ZNF385D: variants seen among roughly 807,000 people sequenced by gnomAD.
ZNF385D encodes zinc finger protein 659.
ZNF385D carries 15 observed loss-of-function variants against 35.8 expected under a neutral mutation model. That is an observed-to-expected ratio of 0.42 (90% confidence interval 0.28 to 0.64). The LOEUF is 0.64. ZNF385D is among the 30% of genes least tolerant of loss of function. The pLI is 0.23. For synonymous variants in ZNF385D, 212 were observed against 186.8 expected, an observed-to-expected ratio of 1.13 and a Z score of -1.10; for missense variants, 474 against 494.6, an observed-to-expected ratio of 0.96 and a Z score of 0.39.
intron 3 of ZNF385D, among the ~76,000 whole-genome samples, chr3:21,998,287 G>A (rs1369622803): frequency 6.6e-6 from 1 of 152,156 alleles, no homozygotes; most frequent in African/African-American, 2.4e-5. Context: ...CTATGGACTA[G>A]CCATTTTGCT....
At position 21,792,185 on chromosome 3, in the gene ZNF385D, G is replaced by T. The variant is rs1239782325; in HGVS notation, c.326-127157C>A. On this transcript the variant is annotated intron_variant, in intron 3 of 5. Coordinates refer to the ZNF385D transcript ENST00000494108. ...GGGCATAATTTCCATATCTATAAAT[G>T]AAGTGATGGGGCAGATACATTCTGA... 3.3e-5 allele frequency among the ~76,000 whole-genome samples: 5 copies of T among 152,172 alleles called. No individual in the cohort carries two copies. The South Asian group carries it at 6.2e-4, about 19-fold the overall frequency.
chr3:21,981,449 T>C (rs763204741), intron 3 of ZNF385D, among the ~76,000 whole-genome samples: 40 of 152,326 alleles, frequency 2.6e-4, no homozygotes, highest in African/African-American at 7.7e-4. Flanking sequence ...AAGTTCCTTA[T>C]AGATGCTGGA....
intron 3 of ZNF385D, among the ~76,000 whole-genome samples, chr3:21,982,505 G>C (rs113755047): frequency 6.6e-6 from 1 of 152,088 alleles, no homozygotes; most frequent in East Asian, 1.9e-4. Flanking sequence ...AGGTTTTCTA[G>C]ATATATAATC....
chr3:22,326,107 A>G (rs575600986), intron 2 of ZNF385D, among the ~76,000 whole-genome samples: 1 of 152,212 alleles, frequency 6.6e-6, no homozygotes, highest in Non-Finnish European at 1.5e-5. Flanking sequence ...AAGTTCCTAA[A>G]GCATGCAGTT....
intron 3 of ZNF385D, among the ~76,000 whole-genome samples, chr3:21,872,045 G>T (rs989965785): frequency 1.6e-4 from 24 of 151,942 alleles, no homozygotes; most frequent in Admixed American, 4.6e-4. Context: ...TTTAAAAAAA[G>T]ATTTTCTTGT....
At chr3:22,170,660 A>G (rs2125760684) in intron 2 of ZNF385D, among the ~76,000 whole-genome samples, 1 of 152,336 alleles carries the variant, frequency 6.6e-6, no homozygotes, top group Admixed American at 6.5e-5. Flanking sequence ...TAGACTTTGT[A>G]AAATGATTAA....
chr3:21,499,315 T>A (rs1159939744), intron 4 of ZNF385D, among the ~76,000 whole-genome samples: 1 of 152,050 alleles, frequency 6.6e-6, no homozygotes, highest in African/African-American at 2.4e-5. Context: ...AAGAACAAGA[T>A]CATGTCTTTG....
intron 2 of ZNF385D, among the ~76,000 whole-genome samples, chr3:22,322,468 T>C (rs1694486566): frequency 6.6e-6 from 1 of 152,200 alleles, no homozygotes; most frequent in Non-Finnish European, 1.5e-5. Context: ...TGACTTTTTT[T>C]AGGTAACTTG....
At chr3:21,695,969 A>G (rs79764153) in intron 1 of ZNF385D, among the ~76,000 whole-genome samples, 1,766 of 152,250 alleles carry the variant, frequency 0.012, 28 homozygotes, top group African/African-American at 0.039. Context: ...AGCAACTCCC[A>G]TATATGAATT....
intron 3 of ZNF385D, among the ~76,000 whole-genome samples, chr3:21,943,036 T>C (rs1456952022): frequency 6.6e-6 from 1 of 152,094 alleles, no homozygotes; most frequent in African/African-American, 2.4e-5. Flanking sequence ...ACATAAGAAC[T>C]CATACTTCTA....
At chr3:22,199,618 G>A (rs4528971) in intron 2 of ZNF385D, among the ~76,000 whole-genome samples, 22,196 of 152,062 alleles carry the variant, frequency 0.15, 1,741 homozygotes, top group Middle Eastern at 0.24. Flanking sequence ...ACTACTGGAG[G>A]AGAACTGTGC....
At chr3:21,689,338 C>T (rs923704893) in intron 1 of ZNF385D, among the ~76,000 whole-genome samples, 3 of 151,974 alleles carry the variant, frequency 2.0e-5, no homozygotes, top group South Asian at 2.1e-4. Context: ...TGCTCTGTTG[C>T]GGGGCAGCAT....
intron 3 of ZNF385D, among the ~76,000 whole-genome samples, chr3:22,044,102 T>G (rs1189383157): frequency 5.3e-5 from 8 of 152,032 alleles, no homozygotes; most frequent in Non-Finnish European, 1.0e-4. Context: ...ACTTTTTTTT[T>G]TTTTTTAATG....
At chr3:22,019,047 T>A in intron 3 of ZNF385D, among the ~76,000 whole-genome samples, 1 of 78,580 alleles carries the variant, frequency 1.3e-5, no homozygotes, top group South Asian at 4.4e-4. Flanking sequence ...TTTTTTTTTT[T>A]TTTTTTTTTT....
At chr3:22,317,555 C>A (rs1237432694) in intron 2 of ZNF385D, among the ~76,000 whole-genome samples, 1 of 152,104 alleles carries the variant, frequency 6.6e-6, no homozygotes, top group Non-Finnish European at 1.5e-5. Flanking sequence ...CCTATAATGT[C>A]TGCCTCCACC....
chr3:22,318,073 A>T (rs185407599), intron 2 of ZNF385D, among the ~76,000 whole-genome samples: 444 of 152,090 alleles, frequency 2.9e-3, no homozygotes, highest in Non-Finnish European at 4.7e-3. Context: ...GAAAAAAAAA[A>T]AAATGTGAAT....
At chr3:21,822,434 C>T (rs192493168) in intron 3 of ZNF385D, among the ~76,000 whole-genome samples, 2 of 152,150 alleles carry the variant, frequency 1.3e-5, no homozygotes, top group Admixed American at 1.3e-4. Context: ...GGCTAAACCT[C>T]AGCACTGATT....
intron 2 of ZNF385D, among the ~76,000 whole-genome samples, chr3:22,266,164 C>T (rs1700885013): frequency 6.6e-6 from 1 of 151,894 alleles, no homozygotes; most frequent in Admixed American, 6.6e-5. Context: ...TTACTCTTTC[C>T]ATTTGGACCT....
intron 3 of ZNF385D, among the ~76,000 whole-genome samples, chr3:21,768,198 A>C (rs1360733204): frequency 3.3e-5 from 5 of 152,116 alleles, no homozygotes; most frequent in Non-Finnish European, 7.4e-5. Context: ...AAAAAGGACA[A>C]AGGACTTTCT....
Sources: gnomAD v4.1 joint callset for allele counts (sites outside exome capture counted in the v4.1 genomes callset) on GRCh38, gnomAD v4.1.1 for gene constraint, MANE v1.5 for transcripts, NCBI Gene and HGNC (gene_info 2026-07-23, HGNC 2026-07-21) for gene names.